The following SGCD variants were observed in gnomAD, a reference collection of about 807,000 sequenced individuals.
The protein encoded by SGCD is sarcoglycan delta.
SGCD carries 18 observed loss-of-function variants against 36.6 expected under a neutral mutation model. That is an observed-to-expected ratio of 0.49 (90% confidence interval 0.34 to 0.73). SGCD has a LOEUF of 0.73. Among genes scored for constraint, SGCD ranks in the 30% least tolerant of loss-of-function variants. The probability of loss-of-function intolerance (pLI) is 0.01; values close to 1 mark genes in which losing one functional copy is unlikely to be tolerated. For synonymous variants in SGCD, 133 were observed against 130.6 expected (o/e 1.02, Z -0.12); for missense variants, 387 against 346.7 (o/e 1.12, Z -0.92).
chr5:156,681,755 T>A (rs1029043069), intron 7 of SGCD, among the ~76,000 whole-genome samples: 2 of 152,206 alleles, frequency 1.3e-5, no homozygotes, highest in African/African-American at 2.4e-5. Flanking sequence ...CAAACACAAT[T>A]GCAAATTAAA....
chr5:156,410,835 C>T (rs1293396490), intron 3 of SGCD, among the ~76,000 whole-genome samples: 1 of 152,054 alleles, frequency 6.6e-6, no homozygotes, highest in East Asian at 1.9e-4. Flanking sequence ...CTCTGTCCTG[C>T]TGTTTTTCCC....
the SGCD span, among the ~76,000 whole-genome samples, chr5:155,756,976 T>C: frequency 2.6e-5 from 4 of 152,270 alleles, no homozygotes; most frequent in Middle Eastern, 0.01. Flanking sequence ...GTTGGGTGTG[T>C]GTCTGTATCA....
intron 1 of SGCD, among the ~76,000 whole-genome samples, chr5:156,078,555 TTA>T (rs1270974769): frequency 3.0e-4 from 39 of 128,798 alleles, no homozygotes; most frequent in African/African-American, 1.2e-3. Flanking sequence ...ATATATATAT[TTA>T]TATTTATATA....
the SGCD span, among the ~76,000 whole-genome samples, chr5:155,735,241 A>T: frequency 6.6e-6 from 1 of 152,202 alleles, no homozygotes; most frequent in Non-Finnish European, 1.5e-5. Context: ...TGGTATCAGT[A>T]GTTGTTGATT....
the SGCD span, among the ~76,000 whole-genome samples, chr5:155,787,294 A>G: frequency 2.0e-5 from 3 of 152,320 alleles, no homozygotes; most frequent in East Asian, 5.8e-4. Flanking sequence ...AATTTTATAA[A>G]GGGAATACTG....
intron 3 of SGCD, among the ~76,000 whole-genome samples, chr5:156,445,201 T>C (rs1335592598): frequency 6.6e-6 from 1 of 152,114 alleles, no homozygotes; most frequent in Admixed American, 6.6e-5. Flanking sequence ...GGTACATATC[T>C]TTTCATTGCC....
Position 155,975,609 on chromosome 5 carries a change from C to CTTTTTTTTTTTTTTTTTTTTTTTTTT in SGCD, c.-282+105197_-282+105222dup, listed in dbSNP as rs763067309. ...TGTGTTATTTATTTTTCTTTCTTTC[C>CTTTTTTTTTTTTTTTTTTTTTTTTTT]TTTTTTTTTTTTTTTTTTTTTTTTT... On this transcript the variant is annotated intron_variant, in intron 1 of 9. Transcript: ENST00000517913. Among the ~76,000 whole-genome samples, 2 of 28,026 alleles carry CTTTTTTTTTTTTTTTTTTTTTTTTTT rather than the reference C, an allele frequency of 7.1e-5. 1 individual carries two copies. The highest frequency in any genetic ancestry group is 1.4e-4 in the Non-Finnish European group (2 of 14,592). The allele number at this position is 28,026 out of a possible 152,430, so 18.4% of individuals were successfully genotyped here. A position where few individuals can be genotyped will look rare whatever the true frequency, so the allele number is the denominator to read the frequency against.
intron 3 of SGCD, among the ~76,000 whole-genome samples, chr5:156,269,493 A>AC (rs1766105902): frequency 6.8e-6 from 1 of 147,144 alleles, no homozygotes; most frequent in African/African-American, 2.5e-5. Context: ...AAAAAAAAAA[A>AC]AAAAAAAAAA....
At chr5:156,524,371 TC>T (rs1179237743) in intron 4 of SGCD, among the ~76,000 whole-genome samples, 1 of 148,750 alleles carries the variant, frequency 6.7e-6, no homozygotes, top group Non-Finnish European at 1.5e-5. Flanking sequence ...TCTTTACCAT[TC>T]CTTACTTCTT....
At chr5:155,957,324 C>T (rs1161535589) in intron 1 of SGCD, among the ~76,000 whole-genome samples, 2 of 152,046 alleles carry the variant, frequency 1.3e-5, no homozygotes, top group African/African-American at 2.4e-5. Flanking sequence ...GAATTACTCT[C>T]ACCTGAAGAG....
intron 1 of SGCD, among the ~76,000 whole-genome samples, chr5:156,075,387 T>TA (rs140299413): frequency 0.019 from 2,825 of 151,982 alleles, 78 homozygotes; most frequent in African/African-American, 0.064. Flanking sequence ...ATATAAAAAA[T>TA]AAAAAAATCA....
At chr5:156,646,610 C>T (rs939435043) in intron 6 of SGCD, among the ~76,000 whole-genome samples, 1 of 152,162 alleles carries the variant, frequency 6.6e-6, no homozygotes, top group Non-Finnish European at 1.5e-5. Context: ...ATATTCTCCC[C>T]TCCTTACAGC....
chr5:155,789,590 C>A, the SGCD span, among the ~76,000 whole-genome samples: 1 of 152,010 alleles, frequency 6.6e-6, no homozygotes, highest in Non-Finnish European at 1.5e-5. Flanking sequence ...CAAATGAAAG[C>A]TGACAAGGTT....
At chr5:156,367,463 A>G (rs1770163837) in intron 3 of SGCD, among the ~76,000 whole-genome samples, 2 of 152,268 alleles carry the variant, frequency 1.3e-5, no homozygotes, top group Non-Finnish European at 2.9e-5. Context: ...AATAATAGGC[A>G]GAAAGCACAA....
At chr5:156,189,382 T>C (rs1325325530) in intron 3 of SGCD, among the ~76,000 whole-genome samples, 1 of 152,158 alleles carries the variant, frequency 6.6e-6, no homozygotes, top group African/African-American at 2.4e-5. Flanking sequence ...ACAGATAAAT[T>C]CTATGATCTC....
intron 3 of SGCD, among the ~76,000 whole-genome samples, chr5:156,487,813 A>AAAAGAAAAAG (rs1755755602): frequency 1.5e-4 from 12 of 77,796 alleles, no homozygotes; most frequent in Non-Finnish European, 2.0e-4. Flanking sequence ...AAAAAAAAAA[A>AAAAGAAAAAG]AAAGAAAGAA....
At chr5:156,601,825 A>G (rs10068837) in intron 6 of SGCD, among the ~76,000 whole-genome samples, 10,266 of 152,062 alleles carry the variant, frequency 0.068, 793 homozygotes, top group East Asian at 0.22. Context: ...CTGGGCCTAC[A>G]GGCGCCTGCC....
the SGCD span, among the ~76,000 whole-genome samples, chr5:155,840,292 G>A: frequency 6.7e-6 from 1 of 150,356 alleles, no homozygotes; most frequent in African/African-American, 2.5e-5. Flanking sequence ...CTCCCAGGCT[G>A]GAGTGCAGTG....
chr5:155,735,351 C>T, the SGCD span, among the ~76,000 whole-genome samples: 1 of 152,166 alleles, frequency 6.6e-6, no homozygotes, highest in African/African-American at 2.4e-5. Context: ...TTTATCTGTA[C>T]ATCTAATTAG....
Sources: allele counts gnomAD v4.1 joint callset (sites outside exome capture counted in the v4.1 genomes callset), GRCh38; gene constraint gnomAD v4.1.1; transcripts MANE v1.5; gene names NCBI Gene and HGNC (gene_info 2026-07-23, HGNC 2026-07-21).